The following GLIS3 variants were observed in gnomAD, a reference collection of about 807,000 sequenced individuals.
GLIS3 encodes the protein zinc finger protein GLIS3.
In GLIS3, 53 loss-of-function variants were observed where a neutral mutation model predicts 78.6. The observed-to-expected ratio is 0.67, with a 90% CI of 0.54 to 0.85. The LOEUF (loss-of-function observed/expected upper bound fraction) is 0.85. Among genes scored for constraint, GLIS3 ranks in the 40% least tolerant of loss-of-function variants. The pLI is 0.00. For missense variants in GLIS3, 1,703 were observed against 1,231.1 expected, an observed-to-expected ratio of 1.38 and a Z score of -5.74; for synonymous variants, 684 against 509.9, an observed-to-expected ratio of 1.34 and a Z score of -4.60.
chr9:4,227,322 A>T (rs1000499955), intron 2 of GLIS3, among the ~76,000 whole-genome samples: 2 of 151,648 alleles, frequency 1.3e-5, no homozygotes, highest in Middle Eastern at 3.2e-3. Context: ...AAAAAAAAAA[A>T]AAGTAAGTAA....
intron 6 of GLIS3, among the ~76,000 whole-genome samples, chr9:3,917,066 T>C (rs563858064): frequency 6.6e-6 from 1 of 152,292 alleles, no homozygotes; most frequent in East Asian, 1.9e-4. Flanking sequence ...TGGGAATTTC[T>C]CAAATGTTGC....
chr9:4,292,220 T>A (rs1816048394), intron 1 of GLIS3, among the ~76,000 whole-genome samples: 1 of 152,172 alleles, frequency 6.6e-6, no homozygotes, highest in Non-Finnish European at 1.5e-5. Flanking sequence ...AAATTAATTG[T>A]TCAACGGAGA....
the GLIS3 span, among the ~76,000 whole-genome samples, chr9:4,415,788 A>T: frequency 8.9e-6 from 1 of 111,880 alleles, no homozygotes; most frequent in Non-Finnish European, 1.8e-5. Flanking sequence ...TTTTTTAAAA[A>T]ATTTTAACTT....
At chr9:4,377,508 G>A in the GLIS3 span, among the ~76,000 whole-genome samples, 9 of 134,818 alleles carry the variant, frequency 6.7e-5, 3 homozygotes, top group South Asian at 5.8e-4. Context: ...ACGGCCTATC[G>A]TGGGATTTCA....
intron 4 of GLIS3, among the ~76,000 whole-genome samples, chr9:4,007,962 C>T (rs1821694982): frequency 6.6e-6 from 1 of 151,992 alleles, no homozygotes; most frequent in African/African-American, 2.4e-5. Flanking sequence ...GCCCAAAAGC[C>T]AGTCTTCTGT....
chr9:4,276,858 T>C (rs781167375), intron 2 of GLIS3, among the ~76,000 whole-genome samples: 5 of 152,208 alleles, frequency 3.3e-5, no homozygotes, highest in African/African-American at 4.8e-5. Context: ...ACCTGACTTG[T>C]TGGCAAGACA....
intron 9 of GLIS3, among the ~76,000 whole-genome samples, chr9:3,831,129 C>CT (rs1205161172): frequency 2.0e-4 from 30 of 152,016 alleles, no homozygotes; most frequent in Admixed American, 1.3e-4. Flanking sequence ...CTAGAGTGCA[C>CT]TTTATATAGA....
the GLIS3 span, among the ~76,000 whole-genome samples, chr9:4,358,953 G>A: frequency 1.3e-5 from 2 of 152,104 alleles, no homozygotes; most frequent in Non-Finnish European, 2.9e-5. Context: ...GATGTGGCTG[G>A]GTTCCTAATC....
At chr9:3,882,350 G>A (rs1157650122) in intron 7 of GLIS3, among the ~76,000 whole-genome samples, 1 of 152,154 alleles carries the variant, frequency 6.6e-6, no homozygotes, top group Non-Finnish European at 1.5e-5. Flanking sequence ...CACTTTGAGG[G>A]GCACGTGTAC....
intron 2 of GLIS3, among the ~76,000 whole-genome samples, chr9:4,240,674 C>T (rs1464702453): frequency 6.6e-6 from 1 of 152,084 alleles, no homozygotes; most frequent in African/African-American, 2.4e-5. Flanking sequence ...AAGTTGGAAT[C>T]CTAAAAGGAA....
At chr9:4,157,751 C>A (rs1170666613) in intron 2 of GLIS3, among the ~76,000 whole-genome samples, 1 of 152,144 alleles carries the variant, frequency 6.6e-6, no homozygotes, top group Non-Finnish European at 1.5e-5. Context: ...ATATGAGGAG[C>A]ATGTTATCCA....
Position 4,080,527 on chromosome 9 carries a change from G to C in GLIS3, c.1710+37241C>G, listed in dbSNP as rs796785814. Among the ~76,000 whole-genome samples, 11 of 152,204 alleles carry C rather than the reference G, an allele frequency of 7.2e-5. 1 individual carries two copies. Among genetic ancestry groups the C allele is most frequent in the African/African-American group, 2.6e-4 (11 of 41,526 alleles). ...GTGCCATACTGGAGCTAAGGGAAAG[G>C]ATAAATCACTAATGTGTATTCTACC... On this transcript the variant is annotated intron_variant, in intron 4 of 10. Transcript: ENST00000381971.
chr9:4,071,210 T>C (rs562883295), intron 4 of GLIS3: 2 of 152,234 alleles, frequency 1.3e-5, no homozygotes, highest in African/African-American at 4.8e-5. Context: ...ATTTCAGAGG[T>C]ATGATGTATG....
chr9:3,980,698 C>G (rs878875083), intron 4 of GLIS3, among the ~76,000 whole-genome samples: 2 of 152,164 alleles, frequency 1.3e-5, no homozygotes, highest in African/African-American at 4.8e-5. Flanking sequence ...GCAGGTAGTT[C>G]TAAACACTAA....
At chr9:4,375,683 T>C in the GLIS3 span, among the ~76,000 whole-genome samples, 2 of 152,246 alleles carry the variant, frequency 1.3e-5, no homozygotes, top group Non-Finnish European at 2.9e-5. Context: ...ATGCTCATCA[T>C]TGTCTAGTGG....
intron 2 of GLIS3, among the ~76,000 whole-genome samples, chr9:4,141,125 T>C (rs920178168): frequency 4.6e-5 from 7 of 152,136 alleles, no homozygotes; most frequent in African/African-American, 1.4e-4. Context: ...CACAGTCTTG[T>C]GTAGAAATCT....
rs188989184 is a variant in GLIS3 at position 4,212,933 on chromosome 9, G to A, written c.388+73105C>T. ...GCAAGTGAGTAATATAATCAGATTTGGGGTTTGCTGGAGATGAATGGAAGA... is the reference window on the plus strand; with the variant it reads ...GCAAGTGAGTAATATAATCAGATTTAGGGTTTGCTGGAGATGAATGGAAGA... On this transcript the variant is annotated intron_variant, in intron 2 of 10. Transcript: ENST00000381971. Among the ~76,000 whole-genome samples the A allele has an allele frequency of 2.6e-5, 4 of 152,308 alleles. No individual in the cohort carries two copies. The East Asian group carries it at 7.7e-4, about 29-fold the overall frequency.
At chr9:3,956,856 C>T (rs1817147557) in intron 4 of GLIS3, among the ~76,000 whole-genome samples, 4 of 152,134 alleles carry the variant, frequency 2.6e-5, no homozygotes, top group Non-Finnish European at 5.9e-5. Context: ...ATGATGAGAG[C>T]TCCCCAAAAA....
chr9:3,898,132 C>T (rs544762214), intron 7 of GLIS3: 5 of 166,502 alleles, frequency 3.0e-5, no homozygotes, highest in South Asian at 1.5e-4. Context: ...TTTTTTACTA[C>T]ATACATGTAA....
Sources: gnomAD v4.1 joint callset for allele counts (sites outside exome capture counted in the v4.1 genomes callset) on GRCh38, gnomAD v4.1.1 for gene constraint, MANE v1.5 for transcripts, NCBI Gene and HGNC (gene_info 2026-07-23, HGNC 2026-07-21) for gene names.